Variants in PPM1L observed in about 807,000 individuals in gnomAD.
PPM1L encodes protein phosphatase, Mg2+/Mn2+ dependent 1L, also known as protein phosphatase 1L.
In PPM1L, 13 loss-of-function variants were observed where a neutral mutation model predicts 31.4. The observed-to-expected ratio is 0.41, with a 90% confidence interval of 0.27 to 0.66. PPM1L has a LOEUF of 0.66. Ranked by LOEUF, PPM1L falls within the 30% of genes least tolerant of loss-of-function variation. PPM1L has a pLI of 0.29. For synonymous variants in PPM1L, 184 were observed against 175.4 expected (o/e 1.05, Z -0.39); for missense variants, 326 against 453.7 (o/e 0.72, Z 2.56).
intron 2 of PPM1L, among the ~76,000 whole-genome samples, chr3:161,033,714 C>T (rs960648970): frequency 1.3e-5 from 2 of 152,060 alleles, no homozygotes; most frequent in Non-Finnish European, 1.5e-5. Context: ...AAGACTTCAA[C>T]GTAAGACCTA....
At chr3:160,854,174 G>T (rs1000671094) in intron 1 of PPM1L, among the ~76,000 whole-genome samples, 5 of 152,140 alleles carry the variant, frequency 3.3e-5, no homozygotes, top group African/African-American at 1.2e-4. Flanking sequence ...GCATCATGTG[G>T]TTCAGTTTGT....
At chr3:160,835,090 T>TTCTTCTTCTTC (rs1553810715) in intron 1 of PPM1L, among the ~76,000 whole-genome samples, 2 of 144,736 alleles carry the variant, frequency 1.4e-5, no homozygotes, top group Admixed American at 6.8e-5. Context: ...TTCTTCTTTC[T>TTCTTCTTCTTC]TTTTTCTTTC....
intron 1 of PPM1L, among the ~76,000 whole-genome samples, chr3:160,949,680 C>A (rs1348427233): frequency 6.6e-6 from 1 of 152,056 alleles, no homozygotes; most frequent in African/African-American, 2.4e-5. Flanking sequence ...TCAGGGAGAC[C>A]CACATAGATG....
intron 1 of PPM1L, among the ~76,000 whole-genome samples, chr3:160,817,595 A>G (rs1192927503): frequency 1.3e-5 from 2 of 151,974 alleles, no homozygotes; most frequent in African/African-American, 2.4e-5. Context: ...TTGCTTTTCT[A>G]TTGTGTTGGC....
rs371582982 is a variant in PPM1L, at chr3:160,855,390, TAAAGA to T, written c.399+98685_399+98689del. On this transcript the variant is annotated intron_variant, in intron 1 of 3. Transcript: ENST00000498165. The stretch of plus-strand genomic sequence containing the variant: ...ATTGACAAATGGGACCTAATTAAAT[TAAAGA>T]ACTCTGCACAGTGAAAGAAACTATC... 1.5e-3 allele frequency among the ~76,000 whole-genome samples: 227 copies of T among 152,212 alleles called. 2 individuals are homozygous for T. Among genetic ancestry groups the T allele is most frequent in the African/African-American group, 5.0e-3 (206 of 41,530 alleles).
rs560230375 is a variant in PPM1L at position 160,908,800 on chromosome 3, G to A, written c.400-52936G>A. The stretch of plus-strand genomic sequence containing the variant: ...TCTTACAGGGACAGGTAATAGTATA[G>A]GAGTGCACAGAGTGATTTCAGAGAA... On this transcript the variant is annotated intron_variant, in intron 1 of 3. Coordinates refer to ENST00000498165, the MANE Select transcript of PPM1L (RefSeq NM_139245.4). 3.9e-5 allele frequency among the ~76,000 whole-genome samples: 6 copies of A among 152,312 alleles called. No homozygotes were observed. In the South Asian group the frequency reaches 1.2e-3, roughly 32 times the overall value.
At chr3:160,895,224 T>A (rs1203126065) in intron 1 of PPM1L, among the ~76,000 whole-genome samples, 1 of 152,162 alleles carries the variant, frequency 6.6e-6, no homozygotes, top group Non-Finnish European at 1.5e-5. Flanking sequence ...TTTTTGTTTG[T>A]TTTTTAGAGA....
At chr3:161,051,252 G>GT (rs1344131755) in intron 2 of PPM1L, among the ~76,000 whole-genome samples, 2 of 152,136 alleles carry the variant, frequency 1.3e-5, no homozygotes, top group Non-Finnish European at 2.9e-5. Flanking sequence ...GCATTAGACA[G>GT]TAAGTGCCTT....
chr3:160,766,338 C>T (rs1576628348), intron 1 of PPM1L, among the ~76,000 whole-genome samples: 1 of 152,018 alleles, frequency 6.6e-6, no homozygotes, highest in Non-Finnish European at 1.5e-5. Context: ...ATTGTAATTT[C>T]CATGTGTTGA....
At chr3:160,981,776 T>TTTATTTA (rs1179301815) in intron 2 of PPM1L, among the ~76,000 whole-genome samples, 1 of 77,896 alleles carries the variant, frequency 1.3e-5, no homozygotes, top group Non-Finnish European at 3.1e-5. Flanking sequence ...TTATTTATTT[T>TTTATTTA]TATTGAGATG....
intron 2 of PPM1L, among the ~76,000 whole-genome samples, chr3:161,017,544 G>A (rs954453965): frequency 6.6e-6 from 1 of 152,084 alleles, no homozygotes; most frequent in Non-Finnish European, 1.5e-5. Flanking sequence ...TGAAGTAAAT[G>A]CCAACCTCAG....
At chr3:160,780,635 A>G (rs1711715286) in intron 1 of PPM1L, among the ~76,000 whole-genome samples, 1 of 152,192 alleles carries the variant, frequency 6.6e-6, no homozygotes, top group African/African-American at 2.4e-5. Flanking sequence ...AAGAAATAGC[A>G]TGGAGTTTGA....
chr3:160,881,086 T>C (rs1277236922), intron 1 of PPM1L, among the ~76,000 whole-genome samples: 2 of 152,328 alleles, frequency 1.3e-5, no homozygotes, highest in East Asian at 3.9e-4. Flanking sequence ...TTCAGCAGCA[T>C]TTAAAAATAA....
intron 1 of PPM1L, among the ~76,000 whole-genome samples, chr3:160,819,733 T>G (rs1713135865): frequency 6.6e-6 from 1 of 152,018 alleles, no homozygotes; most frequent in Non-Finnish European, 1.5e-5. Context: ...TAATTGTCCT[T>G]CTCTATCTGC....
chr3:160,862,802 A>G (rs939709696), intron 1 of PPM1L, among the ~76,000 whole-genome samples: 1 of 152,074 alleles, frequency 6.6e-6, no homozygotes, highest in Admixed American at 6.6e-5. Flanking sequence ...GTAGGGGGGA[A>G]AAAAGCTTTA....
At chr3:160,842,521 C>T (rs6802417) in intron 1 of PPM1L, among the ~76,000 whole-genome samples, 1,889 of 152,188 alleles carry the variant, frequency 0.012, 38 homozygotes, top group African/African-American at 0.041. Flanking sequence ...GCAGAAGCAG[C>T]GTACAGCTCT....
At chr3:161,001,098 T>A (rs954740347) in intron 2 of PPM1L, among the ~76,000 whole-genome samples, 1 of 152,210 alleles carries the variant, frequency 6.6e-6, no homozygotes, top group African/African-American at 2.4e-5. Flanking sequence ...TATTTCTGAT[T>A]GAGTCTAGTA....
At chr3:160,998,318 T>C (rs1717385877) in intron 2 of PPM1L, among the ~76,000 whole-genome samples, 1 of 152,220 alleles carries the variant, frequency 6.6e-6, no homozygotes, top group Admixed American at 6.5e-5. Flanking sequence ...TTAGCACCTG[T>C]GTCTCACTAG....
chr3:160,807,855 G>A (rs1712649253), intron 1 of PPM1L, among the ~76,000 whole-genome samples: 1 of 151,382 alleles, frequency 6.6e-6, no homozygotes, highest in African/African-American at 2.4e-5. Flanking sequence ...TTTCTACTGA[G>A]AATAAGGGTA....
Sources: gnomAD v4.1 joint callset for allele counts (sites outside exome capture counted in the v4.1 genomes callset) on GRCh38, gnomAD v4.1.1 for gene constraint, MANE v1.5 for transcripts, NCBI Gene and HGNC (gene_info 2026-07-23, HGNC 2026-07-21) for gene names.